The following GULP1 variants were observed in gnomAD, a reference collection of about 807,000 sequenced individuals.
The protein encoded by GULP1 is GULP PTB domain containing engulfment adaptor 1.
A neutral mutation model predicts 40.9 loss-of-function variants in GULP1; 19 were observed. That is an observed-to-expected ratio of 0.46 (90% CI 0.32 to 0.68). The LOEUF (loss-of-function observed/expected upper bound fraction) is 0.68, where lower values mean the gene tolerates loss of function less well. GULP1 is among the 30% of genes least tolerant of loss of function. The probability of loss-of-function intolerance (pLI) is 0.03; values close to 1 mark genes in which losing one functional copy is unlikely to be tolerated. For synonymous variants in GULP1, 119 were observed against 117.6 expected, an observed-to-expected ratio of 1.01 and a Z score of -0.08; for missense variants, 312 against 362.2, an observed-to-expected ratio of 0.86 and a Z score of 1.12.
chr2:188,360,200 C>T (rs1267993599), intron 1 of GULP1, among the ~76,000 whole-genome samples: 1 of 152,094 alleles, frequency 6.6e-6, no homozygotes, highest in Non-Finnish European at 1.5e-5. Flanking sequence ...ATCTTATAAA[C>T]AGTGCCACTC....
rs181106094 is a variant in GULP1 at position 188,501,012 on chromosome 2, A to G, written c.90+17520A>G. Among the ~76,000 whole-genome samples the G allele has an allele frequency of 4.6e-5, 7 of 152,028 alleles. No homozygotes were observed. In the East Asian group the frequency reaches 9.7e-4, roughly 21 times the overall value. ...CTGTCTTTATGTTCATGACAGTTCT[A>G]TGAGATAGATACTGTAGTTATAATG... On this transcript the variant is annotated intron_variant, in intron 4 of 11. Transcript: ENST00000409830.
At chr2:188,441,499 A>G (rs1224798348) in intron 2 of GULP1, among the ~76,000 whole-genome samples, 1 of 152,108 alleles carries the variant, frequency 6.6e-6, no homozygotes, top group African/African-American at 2.4e-5. Context: ...TAGGACTCTT[A>G]TCAACCTTGC....
chr2:188,538,534 G>A (rs1056522543), intron 6 of GULP1, among the ~76,000 whole-genome samples: 2 of 151,998 alleles, frequency 1.3e-5, no homozygotes. Flanking sequence ...CGAATATAGA[G>A]TATATGACTA....
intron 9 of GULP1, among the ~76,000 whole-genome samples, chr2:188,580,319 C>T (rs1465151761): frequency 2.0e-5 from 3 of 152,064 alleles, no homozygotes; most frequent in South Asian, 2.1e-4. Context: ...TTTGGGAGGC[C>T]GAGGCGGGCG....
chr2:188,400,044 A>T (rs2051987236), intron 2 of GULP1, among the ~76,000 whole-genome samples: 1 of 152,156 alleles, frequency 6.6e-6, no homozygotes, highest in Non-Finnish European at 1.5e-5. Context: ...GGCTTAAAAC[A>T]ACAAAAATTC....
chr2:188,473,146 G>A lies in GULP1; in HGVS notation c.-44-4513G>A, dbSNP rs139099547. On this transcript the variant is annotated intron_variant, in intron 2 of 11. Transcript: ENST00000409830. The stretch of plus-strand genomic sequence containing the variant: ...TTTTCTTTTTCTTTCAAACAAATGG[G>A]GTCTCTCTTTCTCTCTCTCTCTCTC... 3.2e-3 allele frequency among the ~76,000 whole-genome samples: 480 copies of A among 149,058 alleles called. 3 individuals are homozygous for A. The highest frequency in any genetic ancestry group is 5.1e-3 in the Non-Finnish European group (347 of 67,858).
At chr2:188,451,071 A>G (rs1052086348) in intron 2 of GULP1, among the ~76,000 whole-genome samples, 2 of 152,188 alleles carry the variant, frequency 1.3e-5, no homozygotes, top group African/African-American at 4.8e-5. Flanking sequence ...ACAAACCACC[A>G]TTGGTATCTA....
chr2:188,330,846 C>T (rs2041473714), intron 1 of GULP1, among the ~76,000 whole-genome samples: 1 of 152,140 alleles, frequency 6.6e-6, no homozygotes, highest in South Asian at 2.1e-4. Flanking sequence ...CTCAGCTCCC[C>T]CGACAATGGG....
chr2:188,363,788 G>C (rs866040065), intron 1 of GULP1, among the ~76,000 whole-genome samples: 53 of 152,244 alleles, frequency 3.5e-4, no homozygotes, highest in African/African-American at 1.1e-3. Flanking sequence ...ACTGACATTT[G>C]CAAGTTAAGA....
chr2:188,464,968 C>T lies in GULP1; in HGVS notation c.-44-12691C>T, dbSNP rs1575429442. Among the ~76,000 whole-genome samples the T allele has an allele frequency of 1.3e-5, 2 of 152,212 alleles. 1 individual carries two copies. Among genetic ancestry groups the T allele is most frequent in the Admixed American group, 1.3e-4 (2 of 15,290 alleles). ...CCATCCAAGAGTCAAGTCCTAGAATCAGAGACCTCAGAGCCCACTTCATGC... is the reference window on the plus strand; with the variant it reads ...CCATCCAAGAGTCAAGTCCTAGAATTAGAGACCTCAGAGCCCACTTCATGC... On this transcript the variant is annotated intron_variant, in intron 2 of 11. Transcript: ENST00000409830.
At chr2:188,572,072 A>G (rs535419991) in intron 9 of GULP1, among the ~76,000 whole-genome samples, 1 of 152,324 alleles carries the variant, frequency 6.6e-6, no homozygotes, top group African/African-American at 2.4e-5. Flanking sequence ...AAGGTGGGTC[A>G]GGATTATTAA....
At chr2:188,471,980 GT>G (rs2060628091) in intron 2 of GULP1, among the ~76,000 whole-genome samples, 1 of 152,112 alleles carries the variant, frequency 6.6e-6, no homozygotes, top group South Asian at 2.1e-4. Context: ...CTCAGCTATT[GT>G]TTGTCTGGGA....
intron 4 of GULP1, among the ~76,000 whole-genome samples, chr2:188,496,571 A>C (rs914092986): frequency 6.6e-6 from 1 of 152,002 alleles, no homozygotes; most frequent in Non-Finnish European, 1.5e-5. Context: ...TTATTTTTAG[A>C]GTGTAGAGTG....
intron 5 of GULP1, among the ~76,000 whole-genome samples, chr2:188,523,524 C>T (rs1685372059): frequency 6.6e-6 from 1 of 150,698 alleles, no homozygotes; most frequent in Admixed American, 6.7e-5. Context: ...GAATTCTCAG[C>T]TTTATCATAT....
At chr2:188,542,816 G>C (rs966273627) in intron 7 of GULP1, among the ~76,000 whole-genome samples, 2 of 152,086 alleles carry the variant, frequency 1.3e-5, no homozygotes, top group African/African-American at 4.8e-5. Context: ...GAAGATTAAA[G>C]TTGATATTTG....
intron 4 of GULP1, among the ~76,000 whole-genome samples, chr2:188,503,665 A>G (rs1313231393): frequency 6.6e-6 from 1 of 151,874 alleles, no homozygotes; most frequent in Non-Finnish European, 1.5e-5. Context: ...GGAGGCCAAA[A>G]GATTGGACAC....
intron 1 of GULP1, among the ~76,000 whole-genome samples, chr2:188,302,734 A>G (rs564638090): frequency 6.6e-6 from 1 of 152,114 alleles, no homozygotes; most frequent in Admixed American, 6.6e-5. Context: ...TCTGATCTGC[A>G]TTGCCAAATT....
intron 2 of GULP1, among the ~76,000 whole-genome samples, chr2:188,386,520 G>A (rs2049776484): frequency 6.6e-6 from 1 of 151,548 alleles, no homozygotes; most frequent in Non-Finnish European, 1.5e-5. Context: ...TTAGTGTTTT[G>A]TATTTTCTAT....
At chr2:188,320,481 ATC>A (rs2106574661) in intron 1 of GULP1, among the ~76,000 whole-genome samples, 1 of 152,306 alleles carries the variant, frequency 6.6e-6, no homozygotes, top group Admixed American at 6.5e-5. Flanking sequence ...CTCTGTGAGT[ATC>A]AGTAACCTGG....
Sources: allele counts gnomAD v4.1 joint callset (sites outside exome capture counted in the v4.1 genomes callset), GRCh38; gene constraint gnomAD v4.1.1; transcripts MANE v1.5; gene names NCBI Gene and HGNC (gene_info 2026-07-23, HGNC 2026-07-21).